The following MSL2 variants were observed in gnomAD, a reference collection of about 807,000 sequenced individuals.
MSL2 encodes the protein E3 ubiquitin-protein ligase MSL2.
In MSL2, 2 loss-of-function variants were observed where a neutral mutation model predicts 35.8. The observed-to-expected ratio is 0.06, with a 90% confidence interval of 0.02 to 0.18. The LOEUF is 0.18. MSL2 is among the 10% of genes least tolerant of loss of function. MSL2 has a pLI of 1.00. For synonymous variants in MSL2, 296 were observed against 255.7 expected (o/e 1.16, Z -1.50); for missense variants, 523 against 706.7 (o/e 0.74, Z 2.95).
chr3:136,162,101 GTTAAT>G (rs1479482334), intron 1 of MSL2, among the ~76,000 whole-genome samples: 2 of 151,602 alleles, frequency 1.3e-5, no homozygotes, highest in Non-Finnish European at 2.9e-5. Flanking sequence ...ACCACGCCTG[GTTAAT>G]TTTTTATTTT....
At chr3:136,182,715 C>CA (rs1173234700) in intron 1 of MSL2, among the ~76,000 whole-genome samples, 4,778 of 102,578 alleles carry the variant, frequency 0.047, 220 homozygotes, top group African/African-American at 0.14. Flanking sequence ...GACTCCGTCT[C>CA]AAAAAAAAAA....
intron 1 of MSL2, among the ~76,000 whole-genome samples, chr3:136,173,634 C>G (rs1940090616): frequency 6.6e-6 from 1 of 152,160 alleles, no homozygotes; most frequent in African/African-American, 2.4e-5. Context: ...TCATTGTTCA[C>G]CCCGAATTTC....
chr3:136,194,542 G>C, intron 1 of MSL2: 2 of 668,448 alleles, frequency 3.0e-6, no homozygotes, highest in Non-Finnish European at 3.7e-6. Flanking sequence ...CCACTCCCAC[G>C]TAACACCAGT....
intron 1 of MSL2, among the ~76,000 whole-genome samples, chr3:136,158,640 A>C (rs1293078886): frequency 6.6e-6 from 1 of 152,238 alleles, no homozygotes; most frequent in Non-Finnish European, 1.5e-5. Context: ...AAAGAAAAAA[A>C]AAGGCATCAA....
In MSL2 at chr3:136,195,671, C is replaced by G; in HGVS notation, c.-558G>C. 4.1e-6 allele frequency: 4 copies of G among 985,634 alleles called. No individual in the cohort carries two copies. The highest frequency in any genetic ancestry group is 3.6e-6 in the Non-Finnish European group (3 of 830,072). 61.1% of individuals were successfully genotyped at this position (985,634 alleles called of 1,614,324 possible). On this transcript the variant is annotated 5_prime_UTR_variant, in exon 1 of 2. Coordinates refer to ENST00000309993, the MANE Select transcript of MSL2 (RefSeq NM_018133.4). ...CCGGATCTAGTGCAAGACGCCGCGG[C>G]GGCGACGAAGGTTGATGTTGCGGCT...
At position 136,188,324 on chromosome 3, in the gene MSL2, C is replaced by T. The variant is rs534437042; in HGVS notation, c.142+6648G>A. On this transcript the variant is annotated intron_variant, in intron 1 of 1. Transcript: ENST00000309993. ...TGGGGCATGCCTATAGTCCCAGTTA[C>T]TCAGGAGACTGAGGCAGGAGAATCG... is the stretch of plus-strand genomic sequence containing the variant. Among the ~76,000 whole-genome samples, 51 of 151,780 alleles carry T rather than the reference C, an allele frequency of 3.4e-4. 2 individuals carry two copies. In the South Asian group the frequency reaches 0.01, roughly 31 times the overall value.
chr3:136,174,378 A>G (rs1940109956), intron 1 of MSL2, among the ~76,000 whole-genome samples: 1 of 152,224 alleles, frequency 6.6e-6, no homozygotes. Flanking sequence ...TCACTTATCC[A>G]GCACTATCTG....
At chr3:136,187,001 G>C (rs1414635153) in intron 1 of MSL2, among the ~76,000 whole-genome samples, 1 of 152,070 alleles carries the variant, frequency 6.6e-6, no homozygotes, top group Non-Finnish European at 1.5e-5. Context: ...AAAAAAAAAT[G>C]TCCATACATG....
chr3:136,194,875 A>G, intron 1 of MSL2, 97 bp downstream of exon 1: 1 of 1,545,758 alleles, frequency 6.5e-7, no homozygotes, highest in Middle Eastern at 1.7e-4. Flanking sequence ...ACAAAAGCTT[A>G]ATACCAACCA....
intron 1 of MSL2, among the ~76,000 whole-genome samples, chr3:136,158,253 G>A (rs183987097): frequency 7.9e-5 from 12 of 151,276 alleles, no homozygotes; most frequent in South Asian, 2.1e-4. Context: ...CGGAGGCTGC[G>A]GTGAGCCGAG....
intron 1 of MSL2, among the ~76,000 whole-genome samples, chr3:136,175,995 G>A (rs780960412): frequency 7.3e-5 from 11 of 151,098 alleles, no homozygotes; most frequent in South Asian, 2.2e-4. Context: ...TAAAGATGTC[G>A]AGTATGTTTC....
At position 136,195,069 on chromosome 3, in the gene MSL2, G is replaced by A. The variant is rs979950459; in HGVS notation, c.45C>T (p.Arg15=). The A allele has an allele frequency of 1.9e-6, 3 of 1,614,024 alleles. No individual in the cohort carries two copies. The Admixed American group carries it at 5.0e-5, about 27-fold the overall frequency. ...CTCCGGGGTCGTAGTTGAGCACTAG[G>A]CGGCTCGCGGAAATGTAGAGAGCAG... The part of the protein sequence containing the change: ...NATALYISAS[R]LVLNYDPGDP... Residue 15 remains arginine (R), a synonymous_variant, in exon 1 of 2, where the codon CGC becomes CGT. Transcript: ENST00000309993.
rs1939903615 is a variant in MSL2 at position 136,168,118 on chromosome 3, C to T, written c.143-15380G>A. Among the ~76,000 whole-genome samples, 7 of 152,044 alleles carry T rather than the reference C, an allele frequency of 4.6e-5. No individual in the cohort carries two copies. In the South Asian group the frequency reaches 1.5e-3, roughly 32 times the overall value. The stretch of plus-strand genomic sequence containing the variant: ...AGATGGCTGGGAGTGGTGGCTCACA[C>T]CTGTAATCCCAGCACTTTGGGAGTC... On this transcript the variant is annotated intron_variant, in intron 1 of 1. Coordinates refer to ENST00000309993, the MANE Select transcript of MSL2 (RefSeq NM_018133.4).
intron 1 of MSL2, among the ~76,000 whole-genome samples, chr3:136,160,054 G>A (rs1032278917): frequency 9.2e-4 from 139 of 151,760 alleles, no homozygotes; most frequent in Non-Finnish European, 1.5e-3. Context: ...GGCAGATCAC[G>A]TGAGGTCAGG....
chr3:136,195,796 C>A lies in MSL2; in HGVS notation c.-683G>T. On this transcript the variant is annotated 5_prime_UTR_variant, in exon 1 of 2. Coordinates refer to ENST00000309993, the MANE Select transcript of MSL2 (RefSeq NM_018133.4). The stretch of plus-strand genomic sequence containing the variant: ...TGCAGCCCGCAGTTCCCCGAGGTGG[C>A]GAGGCGGGCGGGAGTCCTCAACCCG... The A allele has an allele frequency of 1.0e-6, 1 of 984,936 alleles. No homozygotes were observed. Among genetic ancestry groups the A allele is most frequent in the Non-Finnish European group, 1.2e-6 (1 of 829,796 alleles). 61.0% of individuals were successfully genotyped at this position (984,936 alleles called of 1,614,324 possible).
chr3:136,156,772 G>A (rs1453275221), intron 1 of MSL2, among the ~76,000 whole-genome samples: 1 of 152,088 alleles, frequency 6.6e-6, no homozygotes, highest in East Asian at 1.9e-4. Flanking sequence ...GGAGAATAGC[G>A]TGAACCCAGG....
intron 1 of MSL2, among the ~76,000 whole-genome samples, chr3:136,190,027 G>A (rs1309655448): frequency 6.6e-6 from 1 of 152,026 alleles, no homozygotes; most frequent in Non-Finnish European, 1.5e-5. Flanking sequence ...GTTGCAGTAA[G>A]CCGAGATCAT....
rs184989544 is a variant in MSL2 at position 136,181,283 on chromosome 3, T to C, written c.142+13689A>G. ...CTTCTTGTCTCTAACCGTTGATCTA[T>C]TGAATGAAGTATTGAAACAATGAGT... is the stretch of plus-strand genomic sequence containing the variant. On this transcript the variant is annotated intron_variant, in intron 1 of 1. Transcript: ENST00000309993. Among the ~76,000 whole-genome samples, 190 of 152,224 alleles carry C rather than the reference T, an allele frequency of 1.2e-3. 1 individual carries two copies. Among genetic ancestry groups the C allele is most frequent in the Admixed American group, 3.5e-3 (54 of 15,262 alleles).
intron 1 of MSL2, among the ~76,000 whole-genome samples, chr3:136,180,804 G>GGAAGGAAGGAAGGAA (rs1559969290): frequency 5.8e-5 from 3 of 51,426 alleles, no homozygotes; most frequent in Non-Finnish European, 1.0e-4. Flanking sequence ...GAGGGAGGGA[G>GGAAGGAAGGAAGGAA]GGAGGGAAGG....
Sources: allele counts gnomAD v4.1 joint callset (sites outside exome capture counted in the v4.1 genomes callset), GRCh38; gene constraint gnomAD v4.1.1; transcripts MANE v1.5; gene names NCBI Gene and HGNC (gene_info 2026-07-23, HGNC 2026-07-21).